The following MBD5 variants were observed in gnomAD, a reference collection of about 807,000 sequenced individuals.
MBD5 encodes the protein methyl-CpG-binding domain protein 5.
MBD5 carries 13 observed loss-of-function variants against 117.3 expected under a neutral mutation model. The observed-to-expected ratio is 0.11, with a 90% CI of 0.07 to 0.18. The LOEUF (loss-of-function observed/expected upper bound fraction) is 0.18, where lower values mean the gene tolerates loss of function less well. Ranked by LOEUF, MBD5 falls within the 10% of genes least tolerant of loss-of-function variation. MBD5 has a pLI of 1.00. For synonymous variants in MBD5, 727 were observed against 766.4 expected, an observed-to-expected ratio of 0.95 and a Z score of 0.85; for missense variants, 1,879 against 2,093.8, an observed-to-expected ratio of 0.90 and a Z score of 2.00.
intron 1 of MBD5, among the ~76,000 whole-genome samples, chr2:148,070,015 C>G (rs1022618127): frequency 6.6e-6 from 1 of 152,094 alleles, no homozygotes; most frequent in Non-Finnish European, 1.5e-5. Context: ...TCACCCTGTT[C>G]GGCTGTGGAC....
chr2:148,268,227 C>A (rs971771997), intron 3 of MBD5, among the ~76,000 whole-genome samples: 1 of 151,976 alleles, frequency 6.6e-6, no homozygotes, highest in Non-Finnish European at 1.5e-5. Context: ...CTGGAATCAG[C>A]TGGGATGAGT....
At chr2:148,089,289 C>CA (rs1349880609) in intron 1 of MBD5, among the ~76,000 whole-genome samples, 9 of 152,158 alleles carry the variant, frequency 5.9e-5, no homozygotes, top group Middle Eastern at 3.4e-3. Context: ...GAACACTTGA[C>CA]AGGTCATCAA....
At chr2:148,503,192 A>G (rs1043200590) in intron 12 of MBD5, among the ~76,000 whole-genome samples, 2 of 152,224 alleles carry the variant, frequency 1.3e-5, no homozygotes, top group Admixed American at 1.3e-4. Context: ...CTATATGTAC[A>G]TAGCTATTTA....
intron 1 of MBD5, among the ~76,000 whole-genome samples, chr2:148,038,136 A>T (rs938947125): frequency 6.6e-6 from 1 of 152,046 alleles, no homozygotes; most frequent in Non-Finnish European, 1.5e-5. Flanking sequence ...AATATCTGCC[A>T]TAAGAAATAA....
intron 1 of MBD5, among the ~76,000 whole-genome samples, chr2:148,083,767 A>G (rs2105177088): frequency 6.6e-6 from 1 of 152,090 alleles, no homozygotes; most frequent in Non-Finnish European, 1.5e-5. Context: ...AGCTGGGACT[A>G]CAGGCGCACG....
intron 4 of MBD5, among the ~76,000 whole-genome samples, chr2:148,445,072 T>A (rs78840900): frequency 2.0e-5 from 3 of 151,180 alleles, no homozygotes; most frequent in Non-Finnish European, 2.9e-5. Context: ...TTGCCACACC[T>A]TGTCCTACAC....
At chr2:148,114,625 A>G (rs972962685) in intron 1 of MBD5, among the ~76,000 whole-genome samples, 2 of 152,186 alleles carry the variant, frequency 1.3e-5, no homozygotes, top group African/African-American at 4.8e-5. Flanking sequence ...AATTCCACAT[A>G]ACCTCTCAGC....
At chr2:148,247,388 C>G (rs774434670) in intron 3 of MBD5, among the ~76,000 whole-genome samples, 10 of 152,146 alleles carry the variant, frequency 6.6e-5, no homozygotes, top group African/African-American at 9.7e-5. Flanking sequence ...CATTGGCAAT[C>G]TTTTTTTCAC....
At chr2:148,260,036 T>C (rs1239105739) in intron 3 of MBD5, among the ~76,000 whole-genome samples, 1 of 152,216 alleles carries the variant, frequency 6.6e-6, no homozygotes, top group Non-Finnish European at 1.5e-5. Context: ...GGGTAATGAT[T>C]GCTGAATGTT....
At chr2:148,232,763 A>T (rs1249704423) in intron 2 of MBD5, among the ~76,000 whole-genome samples, 2 of 151,756 alleles carry the variant, frequency 1.3e-5, no homozygotes, top group Non-Finnish European at 2.9e-5. Flanking sequence ...TCTTTTAGGT[A>T]TCTGTTGCGT....
chr2:148,355,173 G>C (rs145946362), intron 4 of MBD5, among the ~76,000 whole-genome samples: 1 of 151,640 alleles, frequency 6.6e-6, no homozygotes, highest in Non-Finnish European at 1.5e-5. Context: ...CTGGATATTA[G>C]ACCTTTGTCA....
intron 1 of MBD5, among the ~76,000 whole-genome samples, chr2:148,157,298 C>G (rs1697898390): frequency 6.6e-6 from 1 of 151,898 alleles, no homozygotes; most frequent in Non-Finnish European, 1.5e-5. Context: ...GCCCCCCACC[C>G]CCAAACAGGC....
At chr2:148,082,743 A>G (rs1338066908) in intron 1 of MBD5, among the ~76,000 whole-genome samples, 2 of 151,966 alleles carry the variant, frequency 1.3e-5, no homozygotes, top group Non-Finnish European at 2.9e-5. Flanking sequence ...GGGGTTTTTT[A>G]TTATGGAACT....
intron 8 of MBD5, chr2:148,470,681 T>G (rs550984981): frequency 1.3e-4 from 69 of 532,152 alleles, no homozygotes; most frequent in African/African-American, 1.2e-3. Flanking sequence ...CATTATTTGT[T>G]GTCAATCTGT....
intron 8 of MBD5, among the ~76,000 whole-genome samples, chr2:148,473,819 C>G (rs537148303): frequency 9.9e-5 from 15 of 152,248 alleles, no homozygotes; most frequent in African/African-American, 2.4e-4. Flanking sequence ...ATTAATTCTA[C>G]TTTGTGTTTT....
At chr2:148,205,768 G>A (rs1366086631) in intron 2 of MBD5, among the ~76,000 whole-genome samples, 2 of 152,180 alleles carry the variant, frequency 1.3e-5, no homozygotes, top group African/African-American at 4.8e-5. Context: ...GCTCATGCCT[G>A]TAATCCCAGC....
At chr2:148,178,675 A>G (rs1698444607) in intron 1 of MBD5, 25 bp from the exon 2 acceptor site, 1 of 397,882 alleles carries the variant, frequency 2.5e-6, no homozygotes, top group African/African-American at 2.1e-5. Context: ...CAAATTCATT[A>G]TATTTTCTTA....
intron 1 of MBD5, among the ~76,000 whole-genome samples, chr2:148,148,874 G>A (rs1052480919): frequency 6.6e-5 from 10 of 151,716 alleles, no homozygotes; most frequent in African/African-American, 2.4e-4. Flanking sequence ...ATGCCCTTGT[G>A]GGCAACACTG....
chr2:148,260,856 G>A (rs559038509), intron 3 of MBD5: 10 of 152,250 alleles, frequency 6.6e-5, no homozygotes, highest in African/African-American at 2.4e-4. Flanking sequence ...TAAAATTGAT[G>A]CATTTTCAAG....
Sources: gnomAD v4.1 joint callset for allele counts (sites outside exome capture counted in the v4.1 genomes callset) on GRCh38, gnomAD v4.1.1 for gene constraint, MANE v1.5 for transcripts, NCBI Gene and HGNC (gene_info 2026-07-23, HGNC 2026-07-21) for gene names.